Variants in ZYG11A observed in about 807,000 individuals in gnomAD.
ZYG11A encodes protein zyg-11 homolog A.
Under a neutral mutation model 77.2 loss-of-function variants are expected in ZYG11A, and 62 were observed. That is an observed-to-expected ratio of 0.80 (90% CI 0.65 to 0.99). ZYG11A has a LOEUF of 0.99. Among genes scored for constraint, ZYG11A ranks in the 50% least tolerant of loss-of-function variants. The probability of loss-of-function intolerance (pLI) is 0.00; values close to 1 mark genes in which losing one functional copy is unlikely to be tolerated. For missense variants in ZYG11A, 828 were observed against 896.8 expected (o/e 0.92, Z 0.98); for synonymous variants, 315 against 324.6 (o/e 0.97, Z 0.32).
intron 4 of ZYG11A, 68 bp downstream of exon 4, chr1:52,860,939 C>A: frequency 7.2e-7 from 1 of 1,392,050 alleles, no homozygotes; most frequent in Non-Finnish European, 9.9e-7. Context: ...GTTCACGAAC[C>A]ACACTGAATA....
intron 1 of ZYG11A, among the ~76,000 whole-genome samples, chr1:52,852,256 C>T (rs1432832822): frequency 6.6e-6 from 1 of 151,914 alleles, no homozygotes; most frequent in Non-Finnish European, 1.5e-5. Flanking sequence ...ACCGTGTTGG[C>T]CAGGCTGGTC....
At position 52,860,828 on chromosome 1, in the gene ZYG11A, C is replaced by T; in HGVS notation, c.1106C>T (p.Thr369Ile). ...AAGGAAGCCCTCCACAGGCTGTTCACAGAGACATTTTCAATGGAGGTAACC... is the reference window on the plus strand; with the variant it reads ...AAGGAAGCCCTCCACAGGCTGTTCATAGAGACATTTTCAATGGAGGTAACC... ...FVKEALHRLF[T>I]ETFSMEVTMP... The change falls in exon 4 of 14, where the codon ACA (threonine) becomes ATA (isoleucine). Residue 369 changes from threonine to isoleucine, a missense_variant. Transcript: ENST00000371528. 6.4e-7 allele frequency: 1 copy of T among 1,551,686 alleles called. No homozygotes were observed. The highest frequency in any genetic ancestry group is 1.2e-5 in the South Asian group (1 of 84,068).
intron 5 of ZYG11A, among the ~76,000 whole-genome samples, chr1:52,865,249 C>A (rs957417198): frequency 1.3e-5 from 2 of 152,048 alleles, no homozygotes; most frequent in Admixed American, 6.6e-5. Flanking sequence ...CTCCCTCCCC[C>A]ACAACACACA....
rs1304251165 is a variant in ZYG11A at position 52,884,647 on chromosome 1, T to C, written c.1945-1186T>C. Among the ~76,000 whole-genome samples, 5 of 151,912 alleles carry C rather than the reference T, an allele frequency of 3.3e-5. No homozygotes were observed. The East Asian group carries it at 5.8e-4, about 18-fold the overall frequency. On this transcript the variant is annotated intron_variant, in intron 11 of 13. Transcript: ENST00000371528. Reference sequence around the variant, plus strand: ...CCAGCCTGGGCAACAAGAGTGAAAATTCATATTCAGAAAAAAAAAATTATA... The same window carrying C: ...CCAGCCTGGGCAACAAGAGTGAAAACTCATATTCAGAAAAAAAAAATTATA...
At chr1:52,892,666 C>A in intron 13 of ZYG11A, 116 bp from the exon 14 acceptor site, 1 of 899,558 alleles carries the variant, frequency 1.1e-6, no homozygotes, top group Non-Finnish European at 1.7e-6. Flanking sequence ...TCTGTTAATT[C>A]CTAGGCCAAA....
At chr1:52,863,031 C>T (rs1645959806) in intron 4 of ZYG11A, among the ~76,000 whole-genome samples, 1 of 152,004 alleles carries the variant, frequency 6.6e-6, no homozygotes, top group South Asian at 2.1e-4. Context: ...CTTTTCATAC[C>T]AGGATTGTGT....
intron 12 of ZYG11A, among the ~76,000 whole-genome samples, chr1:52,886,326 T>C (rs536150120): frequency 6.6e-6 from 1 of 152,140 alleles, no homozygotes; most frequent in East Asian, 1.9e-4. Flanking sequence ...TTCTCTGATA[T>C]TGGGAAAGTC....
chr1:52,854,662 T>TG, intron 2 of ZYG11A, 32 bp downstream of exon 2: 1 of 1,477,452 alleles, frequency 6.8e-7, no homozygotes, highest in Non-Finnish European at 9.1e-7. Flanking sequence ...AGTCAGCTCT[T>TG]GCAGTACTTT....
intron 6 of ZYG11A, 35 bp downstream of exon 6, chr1:52,866,602 TG>T (rs1467257720): frequency 1.5e-6 from 2 of 1,336,976 alleles, no homozygotes. Flanking sequence ...ACTGGGGTGT[TG>T]GCCTTTGGTT....
intron 12 of ZYG11A, among the ~76,000 whole-genome samples, chr1:52,886,699 A>ATTTTTTTTTT (rs386366962): frequency 1.3e-4 from 9 of 69,136 alleles, no homozygotes; most frequent in Admixed American, 3.6e-4. Context: ...GGCCCAGCTA[A>ATTTTTTTTTT]TTTTTTTTTT....
intron 8 of ZYG11A, among the ~76,000 whole-genome samples, chr1:52,868,067 C>T (rs1372110811): frequency 5.1e-5 from 4 of 78,858 alleles, no homozygotes; most frequent in Admixed American, 9.9e-5. Context: ...CCTGGGTTCA[C>T]GCGATCCCCT....
rs1241163497 is a variant in ZYG11A, at chr1:52,893,459, T to G, written c.*502T>G. The G allele has an allele frequency of 6.5e-6, 1 of 152,908 alleles. No individual in the cohort carries two copies. The highest frequency in any genetic ancestry group is 2.4e-5 in the African/African-American group (1 of 41,406). The allele number at this position is 152,908 out of a possible 1,614,324, so 9.5% of individuals were successfully genotyped here. A position where few individuals can be genotyped will look rare whatever the true frequency, so the allele number is the denominator to read the frequency against. ...CCTGTTGGAGAGCGGGGAAAAGAAT[T>G]TATTTATTTATTTATTTATCTATGG... On this transcript the variant is annotated 3_prime_UTR_variant, in exon 14 of 14. Coordinates refer to ENST00000371528, the MANE Select transcript of ZYG11A (RefSeq NM_001004339.3).
At chr1:52,870,114 G>A (rs564398214) in intron 8 of ZYG11A, among the ~76,000 whole-genome samples, 1 of 146,236 alleles carries the variant, frequency 6.8e-6, no homozygotes, top group African/African-American at 2.5e-5. Flanking sequence ...ACGGGGCGGC[G>A]GGGCAGAGGC....
Position 52,854,531 on chromosome 1 carries a change from T to C in ZYG11A, c.157T>C (p.Leu53=), listed in dbSNP as rs761998963. The change falls in exon 2 of 14, where the codon TTG becomes CTG. Residue 53 remains leucine, a synonymous_variant. Transcript: ENST00000371528. ...TGTCCTGATTGCTAACCTGGAGAAA[T>C]TGTGTTCTGAAAGACCTGATGGAAC... is the stretch of plus-strand genomic sequence containing the variant. The part of the protein sequence containing the change: ...LNVLIANLEK[L]CSERPDGTLC... The C allele has an allele frequency of 1.9e-5, 29 of 1,551,532 alleles. No individual in the cohort carries two copies. The highest frequency in any genetic ancestry group is 2.4e-5 in the Non-Finnish European group (28 of 1,146,772).
At chr1:52,878,420 C>T (rs1195416964) in intron 10 of ZYG11A, among the ~76,000 whole-genome samples, 4 of 152,202 alleles carry the variant, frequency 2.6e-5, no homozygotes, top group Non-Finnish European at 5.9e-5. Flanking sequence ...GGGCAGGCCC[C>T]ACTGTCCAAG....
At chr1:52,874,106 TCACCATCTTGATCAGTCGGC>T (rs1446833136) in intron 8 of ZYG11A, among the ~76,000 whole-genome samples, 4 of 20,864 alleles carry the variant, frequency 1.9e-4, no homozygotes, top group South Asian at 1.4e-3. Flanking sequence ...CCCATCCTGA[TCACCATCTTGATCAGTCGGC>T]CACCATCTTG....
intron 4 of ZYG11A, among the ~76,000 whole-genome samples, chr1:52,861,530 G>A (rs1223231414): frequency 6.6e-6 from 1 of 151,936 alleles, no homozygotes; most frequent in Non-Finnish European, 1.5e-5. Flanking sequence ...GTGAAACCCC[G>A]TCTCCACTAA....
At chr1:52,846,342 ATATATATATATATATATATATATAT>A (rs1645582172) in intron 1 of ZYG11A, among the ~76,000 whole-genome samples, 1 of 103,954 alleles carries the variant, frequency 9.6e-6, no homozygotes, top group South Asian at 2.8e-4. Flanking sequence ...ATATATATAT[ATATATATATATATATATATATATAT>A]TTTGAAACAG....
intron 1 of ZYG11A, among the ~76,000 whole-genome samples, chr1:52,847,684 T>G (rs76393919): frequency 6.7e-6 from 1 of 150,226 alleles, no homozygotes; most frequent in East Asian, 1.9e-4. Context: ...TTTTTTTTTT[T>G]CCTTGGGACG....
Sources: gnomAD v4.1 joint callset for allele counts (sites outside exome capture counted in the v4.1 genomes callset) on GRCh38, gnomAD v4.1.1 for gene constraint, MANE v1.5 for transcripts, NCBI Gene and HGNC (gene_info 2026-07-23, HGNC 2026-07-21) for gene names.